SPAG9: variants seen among roughly 807,000 people sequenced by gnomAD.
The protein encoded by SPAG9 is C-Jun-amino-terminal kinase-interacting protein 4.
SPAG9 carries 35 observed loss-of-function variants against 166.5 expected under a neutral mutation model. The observed-to-expected ratio is 0.21, with a 90% CI of 0.16 to 0.28. SPAG9 has a LOEUF of 0.28. Among genes scored for constraint, SPAG9 ranks in the 10% least tolerant of loss-of-function variants. The pLI is 1.00. For missense variants in SPAG9, 1,235 were observed against 1,603.3 expected (o/e 0.77, Z 3.92); for synonymous variants, 534 against 565.5 (o/e 0.94, Z 0.79).
intron 5 of SPAG9, among the ~76,000 whole-genome samples, chr17:51,032,434 G>T (rs183744962): frequency 1.1e-3 from 170 of 152,192 alleles, no homozygotes; most frequent in African/African-American, 4.0e-3. Flanking sequence ...AAAGTGCTGG[G>T]ATTACAGGCA....
At position 50,989,709 on chromosome 17, in the gene SPAG9, G is replaced by A. The variant is rs758238425; in HGVS notation, c.2781C>T (p.Ile927=). Reference sequence around the variant, plus strand: ...GATACACTGGGGAGAGGTCTTCTGGGATCTGAACTCCCAAAGGATCTGTAA... The same window carrying A: ...GATACACTGGGGAGAGGTCTTCTGGAATCTGAACTCCCAAAGGATCTGTAA... The part of the protein sequence containing the change: ...HVFTDPLGVQ[I]PEDLSPVYQS... Residue 927 remains isoleucine, a synonymous_variant, in exon 21 of 30, where the codon ATC becomes ATT. Coordinates refer to ENST00000262013, the MANE Select transcript of SPAG9 (RefSeq NM_001130528.3). 4 of 1,614,152 alleles carry A rather than the reference G, an allele frequency of 2.5e-6. No individual in the cohort carries two copies. In the South Asian group the frequency reaches 3.3e-5, roughly 13 times the overall value.
At chr17:51,089,353 G>A (rs2048385851) in intron 1 of SPAG9, among the ~76,000 whole-genome samples, 1 of 151,648 alleles carries the variant, frequency 6.6e-6, no homozygotes. Flanking sequence ...GAACCCAAGA[G>A]GTAGAGGTTG....
chr17:51,120,558 G>C lies in SPAG9; in HGVS notation c.99C>G (p.Arg33=). ...RVSGLAGSIY[R]EFERLIGRYD... ...AGCGCCCGATAAGCCGCTCGAACTC[G>C]CGGTAGATGGAGCCGGCCAGGCCGG... Residue 33 remains arginine (R), a synonymous_variant, in exon 1 of 30, where the codon CGC becomes CGG. Coordinates refer to ENST00000262013, the MANE Select transcript of SPAG9 (RefSeq NM_001130528.3). This position sits in a 1 kb window ranked among gnomAD's most constrained non-coding sequence, Gnocchi z 4.7. 6.2e-7 allele frequency: 1 copy of C among 1,613,738 alleles called. No individual in the cohort carries two copies. Among genetic ancestry groups the C allele is most frequent in the Non-Finnish European group, 8.5e-7 (1 of 1,179,830 alleles).
chr17:50,996,308 C>T (rs1194102382), intron 16 of SPAG9: 3 of 415,992 alleles, frequency 7.2e-6, no homozygotes, highest in Non-Finnish European at 1.3e-5. Flanking sequence ...TACAGCAGAG[C>T]GGGTACCTCA....
At chr17:51,080,387 A>G (rs2048126849) in intron 1 of SPAG9, among the ~76,000 whole-genome samples, 1 of 150,904 alleles carries the variant, frequency 6.6e-6, no homozygotes, top group East Asian at 1.9e-4. Context: ...TTTCTCCCCA[A>G]CTTCTTAACA....
chr17:50,993,841 T>A lies in SPAG9; in HGVS notation c.2321A>T (p.Asp774Val). Residue 774 changes from aspartate (D) to valine (V), a missense_variant, in exon 19 of 30, where the codon GAT (aspartate) becomes GTT (valine). Around this residue, in one of 6 missense-constraint regions of SPAG9, gnomAD observed 493 missense variants for 559.4 expected, o/e 0.88. Coordinates refer to ENST00000262013, the MANE Select transcript of SPAG9 (RefSeq NM_001130528.3). ...THSATKVLII[D>V]AVQPGNILDS... ...TAGGATGTTGCCAGGTTGAACAGCA[T>A]CAATAATAAGAACTTTTGTAGCCGA... is the stretch of plus-strand genomic sequence containing the variant. The A allele has an allele frequency of 6.2e-7, 1 of 1,614,126 alleles. No homozygotes were observed. Among genetic ancestry groups the A allele is most frequent in the Non-Finnish European group, 8.5e-7 (1 of 1,180,004 alleles).
chr17:51,031,611 T>C (rs971718390), intron 6 of SPAG9, 70 bp downstream of exon 6: 2 of 1,054,796 alleles, frequency 1.9e-6, no homozygotes, highest in Admixed American at 2.0e-5. Flanking sequence ...AGAATAGCAG[T>C]TGAGGAAGTA....
At chr17:51,079,412 T>C (rs2048102906) in intron 2 of SPAG9, among the ~76,000 whole-genome samples, 172 bp downstream of exon 2, 1 of 152,158 alleles carries the variant, frequency 6.6e-6, no homozygotes, top group South Asian at 2.1e-4. Context: ...CTAATTTTTG[T>C]ATTTTTAGTA....
At chr17:51,083,320 T>C (rs2048218941) in intron 1 of SPAG9, among the ~76,000 whole-genome samples, 1 of 151,048 alleles carries the variant, frequency 6.6e-6, no homozygotes, top group Non-Finnish European at 1.5e-5. Flanking sequence ...CTGTAACCTC[T>C]GGCTCCCGAG....
chr17:50,978,049 A>C (rs1567955440), intron 26 of SPAG9, among the ~76,000 whole-genome samples: 1 of 152,242 alleles, frequency 6.6e-6, no homozygotes, highest in Non-Finnish European at 1.5e-5. Context: ...TAAACATTTT[A>C]AGTATTATAC....
chr17:51,096,514 C>T (rs186698035), intron 1 of SPAG9, among the ~76,000 whole-genome samples: 1 of 152,236 alleles, frequency 6.6e-6, no homozygotes, highest in East Asian at 1.9e-4. Flanking sequence ...ACTCCTTTGA[C>T]AAGCAATGTT....
intron 6 of SPAG9, among the ~76,000 whole-genome samples, chr17:51,022,539 T>C (rs1013276193): frequency 1.3e-5 from 2 of 152,054 alleles, no homozygotes; most frequent in African/African-American, 2.4e-5. Flanking sequence ...TTATAAACAA[T>C]TGTCCAGTGG....
chr17:51,085,433 A>C (rs995903956), intron 1 of SPAG9: 9 of 152,128 alleles, frequency 5.9e-5, no homozygotes, highest in Non-Finnish European at 1.3e-4. Context: ...AAGCTTCAGA[A>C]TTTTTCACGT....
In SPAG9 at chr17:51,005,130, A is replaced by G. The variant is rs1307760503; in HGVS notation, c.1476+82T>C. On this transcript the variant is annotated intron_variant, in intron 12 of 29. Transcript: ENST00000262013. ...CTTTTAAAAATCTTTATAGTATTAT[A>G]TCCAAAGCTTACGTAGGAAGATCTT... is the stretch of plus-strand genomic sequence containing the variant. 5 of 1,165,134 alleles carry G rather than the reference A, an allele frequency of 4.3e-6. No homozygotes were observed. The African/African-American group carries it at 7.7e-5, about 18-fold the overall frequency. 72.2% of individuals were successfully genotyped at this position (1,165,134 alleles called of 1,614,324 possible).
rs2045211990 is a variant in SPAG9, at chr17:51,006,194, C to G, written c.1315G>C (p.Asp439His). The part of the protein sequence containing the change: ...IVKNDLIAKV[D>H]ELTCEKDVLQ... ...ACATCTTTCTCACAGGTCAGTTCAT[C>G]CACTTTTGCTATCAAATCATTCTTC... Residue 439 changes from aspartate (D) to histidine (H), a missense_variant, in exon 11 of 30, where the codon GAT becomes CAT. By Grantham distance (81) the Asp-to-His change is moderately conservative. Transcript: ENST00000262013. The G allele has an allele frequency of 6.2e-7, 1 of 1,614,062 alleles. No individual in the cohort carries two copies. The highest frequency in any genetic ancestry group is 8.5e-7 in the Non-Finnish European group (1 of 1,180,010).
At chr17:50,973,832 A>T (rs1287045134) in intron 28 of SPAG9, among the ~76,000 whole-genome samples, 1 of 152,152 alleles carries the variant, frequency 6.6e-6, no homozygotes, top group Non-Finnish European at 1.5e-5. Flanking sequence ...TTGGACTGCA[A>T]CATCCACTCT....
In SPAG9 at chr17:51,001,720, C is replaced by A; in HGVS notation, c.1602G>T (p.Met534Ile). 6 of 1,603,944 alleles carry A rather than the reference C, an allele frequency of 3.7e-6. No individual in the cohort carries two copies. Among genetic ancestry groups the A allele is most frequent in the Non-Finnish European group, 5.1e-6 (6 of 1,177,764 alleles). ...ELQEAVRWTE[M>I]IRASRENPAM... ...GGAGCGCTTGTCATACAAACCGAATCATCTCTGTCCATCGAACAGCTTCCT... is the reference window on the plus strand; with the variant it reads ...GGAGCGCTTGTCATACAAACCGAATAATCTCTGTCCATCGAACAGCTTCCT... Residue 534 changes from methionine to isoleucine, a missense_variant, in exon 13 of 30, where the codon ATG becomes ATT. Transcript: ENST00000262013.
At chr17:51,031,398 A>G (rs1455075711) in intron 6 of SPAG9, 2 of 443,274 alleles carry the variant, frequency 4.5e-6, no homozygotes, top group Admixed American at 3.6e-5. Flanking sequence ...ATACCATTAC[A>G]TAGAGCTGGA....
At chr17:51,055,353 T>TCACACA (rs144478419) in intron 3 of SPAG9, among the ~76,000 whole-genome samples, 1 of 148,782 alleles carries the variant, frequency 6.7e-6, no homozygotes, top group Non-Finnish European at 1.5e-5. Flanking sequence ...ACTCTCTCTC[T>TCACACA]CACACACACA....
Sources: gnomAD v4.1 joint callset for allele counts (sites outside exome capture counted in the v4.1 genomes callset) on GRCh38, gnomAD v4.1.1 for gene constraint, gnomAD v4.1.1 regional missense constraint, Gnocchi (gnomAD v3.1) non-coding constraint, MANE v1.5 for transcripts, NCBI Gene and HGNC (gene_info 2026-07-23, HGNC 2026-07-21) for gene names.